ANK2: variants seen among roughly 807,000 people sequenced by gnomAD.
The protein encoded by ANK2 is ankyrin-2.
In ANK2, 83 loss-of-function variants were observed where a neutral mutation model predicts 360.5. That is an observed-to-expected ratio of 0.23 (90% CI 0.19 to 0.28). The LOEUF (loss-of-function observed/expected upper bound fraction) is 0.28, where lower values mean the gene tolerates loss of function less well. ANK2 is among the 10% of genes least tolerant of loss of function. The pLI is 1.00. For missense variants in ANK2, 4,201 were observed against 4,795.7 expected (o/e 0.88, Z 3.66); for synonymous variants, 1,740 against 1,759.5 (o/e 0.99, Z 0.28).
chr4:113,373,090 G>A lies in ANK2; in HGVS notation c.11611G>A (p.Gly3871Arg), dbSNP rs786205729. The A allele has an allele frequency of 3.7e-6, 6 of 1,613,642 alleles. No individual in the cohort carries two copies. Among genetic ancestry groups the A allele is most frequent in the Non-Finnish European group, 5.1e-6 (6 of 1,179,624 alleles). Residue 3871 changes from glycine to arginine, a missense_variant and splice_region_variant, in exon 44 of 46, where the codon GGA becomes AGA. Physicochemically the swap from Gly to Arg is moderately radical, Grantham distance 125. This residue lies in a region of ANK2 where 2,642 missense variants were observed against 2,714.5 expected (regional missense o/e 0.97). Transcript: ENST00000357077. Reference protein sequence around the residue: ...RLDEDAAFEKGDDMPEIPPET... With the variant: ...RLDEDAAFEKRDDMPEIPPET... ...TGACCCTTTTCTCTCAACTGTTTAG[G>A]GAGACGATATGCCTGAAATACCCCC...
At chr4:112,776,748 A>C in the ANK2 span, among the ~76,000 whole-genome samples, 1 of 152,212 alleles carries the variant, frequency 6.6e-6, no homozygotes, top group African/African-American at 2.4e-5. Flanking sequence ...ATGCACATGT[A>C]TTTGCATATT....
chr4:112,931,433 CT>C (rs59802557), intron 2 of ANK2, among the ~76,000 whole-genome samples: 10,749 of 85,674 alleles, frequency 0.13, 915 homozygotes, highest in African/African-American at 0.36. Context: ...TCTTTCTTTT[CT>C]TTTTTTTTTT....
Position 113,105,615 on chromosome 4 carries a change from T to A in ANK2, c.84+55803T>A, listed in dbSNP as rs547129159. The stretch of plus-strand genomic sequence containing the variant: ...CACATTAAATCATTTTCCACTTGGG[T>A]CAGCTATAGGCATGAAGGTTCATTT... On this transcript the variant is annotated intron_variant, in intron 1 of 45. Coordinates refer to ENST00000357077, the MANE Select transcript of ANK2 (RefSeq NM_001148.6). Among the ~76,000 whole-genome samples, 5 of 152,304 alleles carry A rather than the reference T, an allele frequency of 3.3e-5. No homozygotes were observed. In the South Asian group the frequency reaches 1.0e-3, roughly 32 times the overall value.
intron 1 of ANK2, chr4:112,827,534 A>T (rs1294893759): frequency 1.7e-6 from 2 of 1,182,012 alleles, no homozygotes; most frequent in Non-Finnish European, 1.3e-6. Flanking sequence ...TGCCTCAGGG[A>T]CTTGATATTT....
At chr4:113,097,877 C>CATACATATATAT (rs1491243355) in intron 1 of ANK2, among the ~76,000 whole-genome samples, 1 of 131,772 alleles carries the variant, frequency 7.6e-6, no homozygotes, top group African/African-American at 2.9e-5. Context: ...TATATATATG[C>CATACATATATAT]ACACACACAC....
chr4:112,721,117 G>A, the ANK2 span, among the ~76,000 whole-genome samples: 1 of 152,308 alleles, frequency 6.6e-6, no homozygotes, highest in Non-Finnish European at 1.5e-5. Context: ...ATGAAAGGTA[G>A]GAGAGAGGAA....
chr4:112,789,014 G>T, the ANK2 span: 1 of 527,486 alleles, frequency 1.9e-6, no homozygotes, highest in South Asian at 3.3e-5. Flanking sequence ...TTAGGGCATG[G>T]ATTCTATGTA....
intron 1 of ANK2, among the ~76,000 whole-genome samples, chr4:112,847,910 C>A (rs1443569806): frequency 6.6e-6 from 1 of 152,128 alleles, no homozygotes; most frequent in Admixed American, 6.5e-5. Flanking sequence ...CTGTTCTAGT[C>A]ACAGTGCATT....
intron 2 of ANK2, among the ~76,000 whole-genome samples, chr4:112,960,368 G>C (rs1006035428): frequency 2.0e-5 from 3 of 149,142 alleles, no homozygotes; most frequent in African/African-American, 7.4e-5. Flanking sequence ...TTTAAATCTT[G>C]TGGTACCTAA....
At chr4:112,749,671 C>G in the ANK2 span, among the ~76,000 whole-genome samples, 1 of 152,150 alleles carries the variant, frequency 6.6e-6, no homozygotes, top group Non-Finnish European at 1.5e-5. Flanking sequence ...AATAATGAAG[C>G]AAATTTTAGA....
At chr4:113,254,839 A>G (rs1243170630) in intron 10 of ANK2, among the ~76,000 whole-genome samples, 1 of 152,170 alleles carries the variant, frequency 6.6e-6, no homozygotes, top group Non-Finnish European at 1.5e-5. Context: ...TTGGCGAACA[A>G]TCCTTTTTCT....
intron 2 of ANK2, among the ~76,000 whole-genome samples, chr4:112,950,087 A>AT (rs1451513689): frequency 6.6e-6 from 1 of 152,060 alleles, no homozygotes; most frequent in African/African-American, 2.4e-5. Context: ...TGTAAACCTG[A>AT]TTCCTTTTCA....
rs1442935277 is a variant in ANK2, at chr4:112,860,654, TAAAG to T, written c.-40+42394_-40+42397del. Among the ~76,000 whole-genome samples, 23 of 152,302 alleles carry T rather than the reference TAAAG, an allele frequency of 1.5e-4. 1 individual carries two copies. The highest frequency in any genetic ancestry group is 7.7e-4 in the East Asian group (4 of 5,188). Reference sequence around the variant, plus strand: ...TGTATCACCGTCTTATTTTACAAAATAAAGAAATATTTGCAAAATTGGAGGCTTG... The same window carrying T: ...TGTATCACCGTCTTATTTTACAAAATAAATATTTGCAAAATTGGAGGCTTG... On this transcript the variant is annotated intron_variant, in intron 1 of 30. Coordinates refer to the ANK2 transcript ENST00000503271.
intron 29 of ANK2, 124 bp from the exon 30 acceptor site, chr4:113,335,722 G>A (rs2093437114): frequency 2.0e-6 from 2 of 1,023,512 alleles, no homozygotes; most frequent in Non-Finnish European, 1.5e-6. Flanking sequence ...TTGTCCTGTT[G>A]TTTCAAAAAA....
intron 24 of ANK2, among the ~76,000 whole-genome samples, chr4:113,312,253 A>G (rs1285095958): frequency 6.6e-6 from 1 of 151,510 alleles, no homozygotes; most frequent in Non-Finnish European, 1.5e-5. Flanking sequence ...GCTGGGCAAC[A>G]TAGCAAGACA....
rs2040333395 is a variant in ANK2 at position 113,242,212 on chromosome 4, G to A, written c.891+3G>A. 2 of 1,610,470 alleles carry A rather than the reference G, an allele frequency of 1.2e-6. No homozygotes were observed. Among genetic ancestry groups the A allele is most frequent in the African/African-American group, 2.7e-5 (2 of 74,806 alleles). On this transcript the variant is annotated splice_donor_region_variant and intron_variant, in intron 9 of 45. Transcript: ENST00000357077. ...GTCAGATCGATGCCAAAACTAGGGT[G>A]AGTGTCTCTGTTCTTTCAATTTTCT... is the stretch of plus-strand genomic sequence containing the variant.
intron 2 of ANK2, among the ~76,000 whole-genome samples, chr4:112,914,022 T>G (rs2088772447): frequency 6.6e-6 from 1 of 152,072 alleles, no homozygotes; most frequent in African/African-American, 2.4e-5. Context: ...TTTGAGATAG[T>G]TTTTTTGGGG....
the ANK2 span, among the ~76,000 whole-genome samples, chr4:112,713,795 G>A: frequency 1.3e-5 from 2 of 151,888 alleles, no homozygotes; most frequent in South Asian, 2.1e-4. Context: ...TTAGCCGGGC[G>A]TGGTGGCAGG....
At chr4:112,748,820 A>G in the ANK2 span, among the ~76,000 whole-genome samples, 2 of 151,990 alleles carry the variant, frequency 1.3e-5, no homozygotes, top group Non-Finnish European at 1.5e-5. Flanking sequence ...AATTGCAGAT[A>G]TTCAACTTAG....
Sources: allele counts gnomAD v4.1 joint callset (sites outside exome capture counted in the v4.1 genomes callset), GRCh38; gene constraint gnomAD v4.1.1; regional missense constraint gnomAD v4.1.1; transcripts MANE v1.5; gene names NCBI Gene and HGNC (gene_info 2026-07-23, HGNC 2026-07-21).